ENPP3: variants seen among roughly 807,000 people sequenced by gnomAD.
ENPP3 encodes ectonucleotide pyrophosphatase/phosphodiesterase family member 3.
Under a neutral mutation model 117.8 loss-of-function variants are expected in ENPP3, and 104 were observed. The observed-to-expected ratio is 0.88, with a 90% CI of 0.75 to 1.04. ENPP3 has a LOEUF of 1.04. ENPP3 is among the 50% of genes least tolerant of loss of function. ENPP3 has a pLI of 0.00. For missense variants in ENPP3, 1,026 were observed against 1,051.9 expected, an observed-to-expected ratio of 0.98 and a Z score of 0.34; for synonymous variants, 380 against 349.9, an observed-to-expected ratio of 1.09 and a Z score of -0.96.
chr6:131,655,513 C>T (rs899220511), intron 5 of ENPP3, among the ~76,000 whole-genome samples: 2 of 152,182 alleles, frequency 1.3e-5, no homozygotes, highest in Middle Eastern at 3.4e-3. Context: ...AGGCTGAGCC[C>T]GTGATGCTGT....
intron 13 of ENPP3, 82 bp from the exon 14 acceptor site, chr6:131,685,794 A>C: frequency 4.4e-6 from 3 of 689,038 alleles, no homozygotes; most frequent in Non-Finnish European, 5.3e-6. Context: ...TGAATGTATC[A>C]AATTCACCTG....
intron 6 of ENPP3, among the ~76,000 whole-genome samples, chr6:131,664,435 A>T (rs1032954592): frequency 9.9e-5 from 15 of 152,274 alleles, no homozygotes; most frequent in African/African-American, 3.6e-4. Flanking sequence ...AAGAGTTAAA[A>T]AAATTAAAAG....
rs373058456 is a variant in ENPP3 at position 131,733,741 on chromosome 6, T to A, written c.2089+18T>A. ...TCCTCCTGGTTAGTAGAACTCTTTT[T>A]TAGAGCAGTAGCTTAGAAAGCTCTC... On this transcript the variant is annotated intron_variant, in intron 21 of 24. Transcript: ENST00000357639. 4.3e-6 allele frequency: 7 copies of A among 1,612,444 alleles called. No homozygotes were observed. The African/African-American group carries it at 9.3e-5, about 22-fold the overall frequency.
intron 15 of ENPP3, among the ~76,000 whole-genome samples, chr6:131,697,644 C>T (rs1284843209): frequency 6.6e-6 from 1 of 151,850 alleles, no homozygotes; most frequent in East Asian, 1.9e-4. Flanking sequence ...GTTAGATTTT[C>T]GTAAGGAGCA....
intron 2 of ENPP3, chr6:131,642,815 C>T (rs959846103): frequency 6.6e-6 from 1 of 152,236 alleles, no homozygotes; most frequent in African/African-American, 2.4e-5. Flanking sequence ...AAGTGATACT[C>T]CTGCCTTGGC....
At position 131,641,450 on chromosome 6, in the gene ENPP3, A is replaced by G; in HGVS notation, c.79-5A>G. The G allele has an allele frequency of 3.7e-6, 6 of 1,601,906 alleles. No individual in the cohort carries two copies. Among genetic ancestry groups the G allele is most frequent in the Non-Finnish European group, 5.1e-6 (6 of 1,170,358 alleles). On this transcript the variant is annotated splice_polypyrimidine_tract_variant and splice_region_variant and intron_variant, in intron 1 of 24. Coordinates refer to ENST00000357639, the MANE Select transcript of ENPP3 (RefSeq NM_005021.5). ...ATAAAAGTTACTTTTTCCTTTTTGC[A>G]ATAGGTTCTTCTTGCTTTGCTGGTG...
intron 1 of ENPP3, among the ~76,000 whole-genome samples, chr6:131,639,218 T>C (rs1000425823): frequency 6.0e-5 from 9 of 150,674 alleles, no homozygotes; most frequent in African/African-American, 1.9e-4. Context: ...AATTTCAATT[T>C]CAGAGTGCTC....
At chr6:131,688,431 G>T (rs887259508) in intron 14 of ENPP3, among the ~76,000 whole-genome samples, 1 of 152,208 alleles carries the variant, frequency 6.6e-6, no homozygotes, top group Non-Finnish European at 1.5e-5. Flanking sequence ...AAGGCATGTT[G>T]AAAGTTAAGA....
intron 12 of ENPP3, among the ~76,000 whole-genome samples, chr6:131,684,005 C>T (rs1779091820): frequency 6.6e-6 from 1 of 152,226 alleles, no homozygotes; most frequent in South Asian, 2.1e-4. Flanking sequence ...CCCACCTCGG[C>T]CTCCCAAAGT....
chr6:131,664,509 G>T (rs1442462687), intron 6 of ENPP3, among the ~76,000 whole-genome samples: 1 of 152,100 alleles, frequency 6.6e-6, no homozygotes, highest in African/African-American at 2.4e-5. Flanking sequence ...ATACATTTTT[G>T]TAAGTTTAGT....
In ENPP3 at chr6:131,722,210, A is replaced by T. The variant is rs557096124; in HGVS notation, c.1568-17A>T. 13 of 1,600,644 alleles carry T rather than the reference A, an allele frequency of 8.1e-6. No individual in the cohort carries two copies. The highest frequency in any genetic ancestry group is 2.7e-5 in the African/African-American group (2 of 74,234). ...TCCAGTGTAAAGCTACTTTGAACTA[A>T]TTTTTTCAAAAAACAGATCTTCTAC... On this transcript the variant is annotated splice_polypyrimidine_tract_variant and intron_variant, in intron 17 of 24. Transcript: ENST00000357639.
chr6:131,674,784 A>C (rs1778829999), intron 8 of ENPP3, among the ~76,000 whole-genome samples: 1 of 151,620 alleles, frequency 6.6e-6, no homozygotes, highest in Non-Finnish European at 1.5e-5. Flanking sequence ...GTTGGCCGGG[A>C]TGATCTCTAT....
At chr6:131,696,751 A>G (rs1002896312) in intron 15 of ENPP3, among the ~76,000 whole-genome samples, 1 of 149,130 alleles carries the variant, frequency 6.7e-6, no homozygotes, top group Non-Finnish European at 1.5e-5. Context: ...TTTTCTCTCA[A>G]TGATCTACCC....
intron 14 of ENPP3, among the ~76,000 whole-genome samples, chr6:131,693,045 A>C (rs12523976): frequency 3.4e-5 from 5 of 145,708 alleles, no homozygotes; most frequent in African/African-American, 1.3e-4. Flanking sequence ...AGTTATATAT[A>C]ATATATATGT....
At chr6:131,679,483 G>T (rs1778975286) in intron 11 of ENPP3, among the ~76,000 whole-genome samples, 1 of 149,956 alleles carries the variant, frequency 6.7e-6, no homozygotes, top group Admixed American at 6.7e-5. Context: ...CACCTTAGGA[G>T]CTGACTTGAG....
Position 131,737,413 on chromosome 6 carries a change from T to C in ENPP3, c.2148T>C (p.Pro716=). The change falls in exon 22 of 25, where the codon CCT becomes CCC. Residue 716 remains proline, a synonymous_variant. Transcript: ENST00000357639. ...YDALITSNLV[P]MYEEFRKMWD... Reference sequence around the variant, plus strand: ...CTTTAATTACTAGCAATTTGGTACCTATGTATGAAGAATTCAGAAGTAAGT... The same window carrying C: ...CTTTAATTACTAGCAATTTGGTACCCATGTATGAAGAATTCAGAAGTAAGT... 6.3e-7 allele frequency: 1 copy of C among 1,587,032 alleles called. No individual in the cohort carries two copies. Among genetic ancestry groups the C allele is most frequent in the Non-Finnish European group, 8.6e-7 (1 of 1,156,716 alleles).
chr6:131,716,931 A>G (rs2114517182), intron 15 of ENPP3, among the ~76,000 whole-genome samples: 1 of 151,816 alleles, frequency 6.6e-6, no homozygotes, highest in African/African-American at 2.4e-5. Flanking sequence ...AGATCACGCC[A>G]CTTCACTCCA....
At chr6:131,643,685 G>A (rs1778099105) in intron 2 of ENPP3, among the ~76,000 whole-genome samples, 1 of 151,978 alleles carries the variant, frequency 6.6e-6, no homozygotes, top group Non-Finnish European at 1.5e-5. Flanking sequence ...TTTAAAATTT[G>A]TGCATGTTCT....
chr6:131,739,779 G>T (rs1165814947), intron 23 of ENPP3, among the ~76,000 whole-genome samples: 1 of 151,216 alleles, frequency 6.6e-6, no homozygotes, highest in Non-Finnish European at 1.5e-5. Flanking sequence ...ACTATATAAA[G>T]ACATTTATTG....
Sources: gnomAD v4.1 joint callset for allele counts (sites outside exome capture counted in the v4.1 genomes callset) on GRCh38, gnomAD v4.1.1 for gene constraint, MANE v1.5 for transcripts, NCBI Gene and HGNC (gene_info 2026-07-23, HGNC 2026-07-21) for gene names.